The following RFX4 variants were observed in gnomAD, a reference collection of about 807,000 sequenced individuals.
RFX4 encodes the protein transcription factor RFX4.
In RFX4, 10 loss-of-function variants were observed where a neutral mutation model predicts 95.0. The ratio of observed to expected loss-of-function variants is 0.11; its 90% CI spans 0.06 to 0.18. The LOEUF (loss-of-function observed/expected upper bound fraction) is 0.18, where lower values mean the gene tolerates loss of function less well. RFX4 is among the 10% of genes least tolerant of loss of function. RFX4 has a pLI of 1.00. For synonymous variants in RFX4, 321 were observed against 340.7 expected (o/e 0.94, Z 0.64); for missense variants, 640 against 922.0 (o/e 0.69, Z 3.96).
At chr12:106,729,423 T>A (rs2042567537) in intron 13 of RFX4, among the ~76,000 whole-genome samples, 1 of 152,208 alleles carries the variant, frequency 6.6e-6, no homozygotes, top group Admixed American at 6.5e-5. Context: ...AAGCATCTAA[T>A]ATACACTTTT....
At chr12:106,614,639 G>A (rs2040035797) in intron 2 of RFX4, among the ~76,000 whole-genome samples, 1 of 151,996 alleles carries the variant, frequency 6.6e-6, no homozygotes, top group African/African-American at 2.4e-5. Context: ...CTCCTGAGTA[G>A]CTGGGACTAC....
chr12:106,616,280 A>C (rs1351230439), intron 2 of RFX4, among the ~76,000 whole-genome samples: 2 of 152,182 alleles, frequency 1.3e-5, no homozygotes, highest in African/African-American at 2.4e-5. Flanking sequence ...TTGAATGTTA[A>C]GCCAATCATG....
chr12:106,729,771 C>T (rs1233507306), intron 13 of RFX4, among the ~76,000 whole-genome samples: 3 of 152,180 alleles, frequency 2.0e-5, no homozygotes, highest in Admixed American at 2.0e-4. Flanking sequence ...GGTAAAGGAA[C>T]TCATCTAAAG....
At chr12:106,592,709 G>A (rs1038897740) in intron 1 of RFX4, among the ~76,000 whole-genome samples, 1 of 150,514 alleles carries the variant, frequency 6.6e-6, no homozygotes, top group Non-Finnish European at 1.5e-5. Context: ...TTTTCAGGAA[G>A]TAGAAAACTC....
intron 3 of RFX4, among the ~76,000 whole-genome samples, chr12:106,654,004 C>G (rs548248656): frequency 6.6e-6 from 1 of 152,242 alleles, no homozygotes; most frequent in East Asian, 1.9e-4. Flanking sequence ...GAAAAAGTAG[C>G]CTGGTGTCAT....
At position 106,728,712 on chromosome 12, in the gene RFX4, C is replaced by T. The variant is rs1480496384; in HGVS notation, c.1352-3418C>T. On this transcript the variant is annotated intron_variant, in intron 13 of 17. Transcript: ENST00000392842. Reference sequence around the variant, plus strand: ...CTCCTTTTCATTTTCCTGTCTTCATCGATATTCACTATCCTCATCGCTGCG... The same window carrying T: ...CTCCTTTTCATTTTCCTGTCTTCATTGATATTCACTATCCTCATCGCTGCG... 4.6e-5 allele frequency among the ~76,000 whole-genome samples: 7 copies of T among 152,094 alleles called. No individual in the cohort carries two copies. In the East Asian group the frequency reaches 5.8e-4, roughly 13 times the overall value.
chr12:106,686,823 G>C, intron 5 of RFX4, 61 bp from the exon 6 acceptor site: 1 of 1,490,792 alleles, frequency 6.7e-7, no homozygotes, highest in Non-Finnish European at 9.3e-7. Flanking sequence ...TAATAACAGT[G>C]CATGTGGGTC....
At chr12:106,584,245 G>A (rs896301729) in intron 1 of RFX4, among the ~76,000 whole-genome samples, 1 of 152,120 alleles carries the variant, frequency 6.6e-6, no homozygotes, top group African/African-American at 2.4e-5. Context: ...TAGCACCTTT[G>A]AAGAGCCGTC....
chr12:106,703,827 A>G (rs921705698), intron 8 of RFX4, among the ~76,000 whole-genome samples: 2 of 152,134 alleles, frequency 1.3e-5, no homozygotes, highest in African/African-American at 4.8e-5. Flanking sequence ...GCACTTTGGG[A>G]GTCCGAGGCA....
At chr12:106,689,082 G>A (rs1415689675) in intron 6 of RFX4, among the ~76,000 whole-genome samples, 1 of 152,168 alleles carries the variant, frequency 6.6e-6, no homozygotes, top group Non-Finnish European at 1.5e-5. Context: ...CACTCGTGCT[G>A]TGTGAGCACA....
At chr12:106,618,709 C>A (rs977413157) in intron 2 of RFX4, among the ~76,000 whole-genome samples, 1 of 151,968 alleles carries the variant, frequency 6.6e-6, no homozygotes, top group Non-Finnish European at 1.5e-5. Flanking sequence ...GTCTGATAAT[C>A]TTTGAATTTA....
At position 106,617,113 on chromosome 12, in the gene RFX4, G is replaced by T. The variant is rs1418493576; in HGVS notation, c.130+8230G>T. Among the ~76,000 whole-genome samples the T allele has an allele frequency of 2.6e-5, 4 of 151,980 alleles. No individual in the cohort carries two copies. In the East Asian group the frequency reaches 7.7e-4, roughly 29 times the overall value. ...TCTATGTTGATGTTCTTTCATTTTT[G>T]ATATTGGCAATTTATGTTTTCTCTG... On this transcript the variant is annotated intron_variant, in intron 2 of 17. Transcript: ENST00000392842.
At chr12:106,623,678 A>G (rs1726025564) in intron 2 of RFX4, among the ~76,000 whole-genome samples, 1 of 152,218 alleles carries the variant, frequency 6.6e-6, no homozygotes, top group Admixed American at 6.5e-5. Context: ...CCAGCTACTC[A>G]GCAGGCTGAG....
Position 106,744,840 on chromosome 12 carries a change from T to G in RFX4, c.1634-2597T>G, listed in dbSNP as rs559401530. On this transcript the variant is annotated intron_variant, in intron 15 of 17. Transcript: ENST00000392842. ...AGTTTCCTTGAACTGGACTTTTGTGTGATGCCATTAGCCTGCAGTTAGTGT... is the reference window on the plus strand; with the variant it reads ...AGTTTCCTTGAACTGGACTTTTGTGGGATGCCATTAGCCTGCAGTTAGTGT... 3.9e-5 allele frequency among the ~76,000 whole-genome samples: 6 copies of G among 152,324 alleles called. No individual in the cohort carries two copies. The South Asian group carries it at 1.0e-3, about 26-fold the overall frequency.
intron 1 of RFX4, among the ~76,000 whole-genome samples, chr12:106,589,096 G>A (rs1426991183): frequency 6.6e-6 from 1 of 152,126 alleles, no homozygotes; most frequent in Non-Finnish European, 1.5e-5. Flanking sequence ...GAGACGGTGG[G>A]AGAAACCCCC....
intron 15 of RFX4, among the ~76,000 whole-genome samples, chr12:106,746,529 G>C (rs1944683884): frequency 6.6e-6 from 1 of 151,348 alleles, no homozygotes; most frequent in Non-Finnish European, 1.5e-5. Flanking sequence ...GTGAGAGCTT[G>C]TCTCCAAACA....
chr12:106,616,900 A>G (rs1445937723), intron 2 of RFX4, among the ~76,000 whole-genome samples: 1 of 151,178 alleles, frequency 6.6e-6, no homozygotes, highest in Non-Finnish European at 1.5e-5. Context: ...AGCTGGGACT[A>G]CAGGTGTGCG....
At chr12:106,632,549 C>G (rs182355484) in intron 2 of RFX4, among the ~76,000 whole-genome samples, 40 of 152,372 alleles carry the variant, frequency 2.6e-4, no homozygotes, top group Non-Finnish European at 4.6e-4. Flanking sequence ...GGTAAGGTTG[C>G]TGCTCCTCCT....
intron 2 of RFX4, among the ~76,000 whole-genome samples, chr12:106,618,162 T>C: frequency 6.6e-6 from 1 of 151,960 alleles, no homozygotes; most frequent in East Asian, 1.9e-4. Flanking sequence ...AGATAACAGT[T>C]ATGTGATTAA....
Sources: gnomAD v4.1 joint callset for allele counts (sites outside exome capture counted in the v4.1 genomes callset) on GRCh38, gnomAD v4.1.1 for gene constraint, MANE v1.5 for transcripts, NCBI Gene and HGNC (gene_info 2026-07-23, HGNC 2026-07-21) for gene names.